IRAK4: variants seen among roughly 807,000 people sequenced by gnomAD.
IRAK4 encodes the protein interleukin 1 receptor associated kinase 4, also known as interleukin-1 receptor-associated kinase 4.
IRAK4 carries 44 observed loss-of-function variants against 51.8 expected under a neutral mutation model. The observed-to-expected ratio is 0.85, with a 90% CI of 0.67 to 1.09. The LOEUF is 1.09. IRAK4 is among the 50% of genes least tolerant of loss of function. IRAK4 has a pLI of 0.00. For missense variants in IRAK4, 487 were observed against 538.0 expected, an observed-to-expected ratio of 0.91 and a Z score of 0.94; for synonymous variants, 149 against 174.1, an observed-to-expected ratio of 0.86 and a Z score of 1.13.
chr12:43,767,500 G>T (rs1940282247), intron 1 of IRAK4, among the ~76,000 whole-genome samples: 1 of 152,154 alleles, frequency 6.6e-6, no homozygotes, highest in Admixed American at 6.6e-5. Context: ...ACAGGTTTTG[G>T]CGTAGTAGCA....
intron 1 of IRAK4, among the ~76,000 whole-genome samples, chr12:43,762,685 A>G (rs1448918242): frequency 6.6e-6 from 1 of 152,216 alleles, no homozygotes; most frequent in Non-Finnish European, 1.5e-5. Context: ...TTATAACAGA[A>G]GAATGACTAG....
In IRAK4 at chr12:43,761,100, C is replaced by T. The variant is rs571957752; in HGVS notation, c.-10+2084C>T. 2.0e-5 allele frequency: 3 copies of T among 152,180 alleles called. 1 individual carries two copies. The South Asian group carries it at 6.2e-4, about 32-fold the overall frequency. 9.4% of individuals were successfully genotyped at this position (152,180 alleles called of 1,614,324 possible). On this transcript the variant is annotated intron_variant, in intron 1 of 11. Coordinates refer to ENST00000613694, the MANE Select transcript of IRAK4 (RefSeq NM_016123.4). ...AATTTATGGTACACCAGCACATATCCCAGTTTGTAATAGGCAGCCCTATCT... is the reference window on the plus strand; with the variant it reads ...AATTTATGGTACACCAGCACATATCTCAGTTTGTAATAGGCAGCCCTATCT...
Position 43,777,734 on chromosome 12 carries a change from TCTCTTGCTTGGTA to T in IRAK4, c.822_831+3del, listed in dbSNP as rs1941415913. On this transcript the variant is annotated splice_donor_variant and splice_donor_region_variant and coding_sequence_variant and intron_variant, in exon 7 of 12. Transcript: ENST00000613694. LOFTEE classifies it high-confidence loss of function. Reference sequence around the variant, plus strand: ...CCTAATGGTTCATTGCTAGACAGACTCTCTTGCTTGGTAAGCTATTTGTTCATCAGATTGTTTG... The same window carrying T: ...CCTAATGGTTCATTGCTAGACAGACTAGCTATTTGTTCATCAGATTGTTTG... 1 of 1,610,142 alleles carries T rather than the reference TCTCTTGCTTGGTA, an allele frequency of 6.2e-7. No individual in the cohort carries two copies.
chr12:43,768,315 A>C (rs779836115), intron 2 of IRAK4, 43 bp downstream of exon 2: 1 of 1,425,174 alleles, frequency 7.0e-7, no homozygotes, highest in Non-Finnish European at 9.8e-7. Context: ...CTTACATCAC[A>C]ATATGGAATG....
chr12:43,772,889 A>ATGTG (rs1424103655), intron 4 of IRAK4, 23 bp from the exon 5 acceptor site: 1 of 1,552,372 alleles, frequency 6.4e-7, no homozygotes, highest in Non-Finnish European at 8.8e-7. Context: ...AAATTTAAGC[A>ATGTG]TGTTTTTCTT....
intron 1 of IRAK4, among the ~76,000 whole-genome samples, chr12:43,763,727 C>A (rs1219994814): frequency 1.3e-5 from 2 of 149,706 alleles, no homozygotes; most frequent in African/African-American, 2.5e-5. Context: ...CCCTCATACT[C>A]CTCTCTCTCT....
Position 43,772,165 on chromosome 12 carries a change from T to G in IRAK4, c.308-15T>G. 6.2e-7 allele frequency: 1 copy of G among 1,605,686 alleles called. No individual in the cohort carries two copies. Among genetic ancestry groups the G allele is most frequent in the Non-Finnish European group, 8.5e-7 (1 of 1,173,710 alleles). On this transcript the variant is annotated splice_polypyrimidine_tract_variant and intron_variant, in intron 3 of 11. Transcript: ENST00000613694. ...TCTTACTGAAAAACCACTTGTATCT[T>G]ACTTCATTTGTTAGATGCTGTTCCC...
At chr12:43,772,754 T>G (rs1940899116) in intron 4 of IRAK4, among the ~76,000 whole-genome samples, 158 bp from the exon 5 acceptor site, 1 of 152,164 alleles carries the variant, frequency 6.6e-6, no homozygotes, top group Admixed American at 6.5e-5. Flanking sequence ...CAAGAAAAAC[T>G]TATAATTTGT....
At chr12:43,778,570 A>G (rs1184142654) in intron 8 of IRAK4, among the ~76,000 whole-genome samples, 1 of 152,080 alleles carries the variant, frequency 6.6e-6, no homozygotes, top group East Asian at 1.9e-4. Context: ...CCTTATGGAA[A>G]TTAGTTGTTT....
chr12:43,774,055 GT>G, intron 6 of IRAK4, 26 bp downstream of exon 6: 1 of 1,556,144 alleles, frequency 6.4e-7, no homozygotes, highest in Non-Finnish European at 8.8e-7. Context: ...GCAGTGCGGT[GT>G]AGTGGAAAGA....
At chr12:43,778,407 C>A in intron 8 of IRAK4, 105 bp downstream of exon 8, 1 of 710,706 alleles carries the variant, frequency 1.4e-6, no homozygotes, top group South Asian at 1.5e-5. Flanking sequence ...AGCATCTGGA[C>A]TTTTTTCCCA....
chr12:43,766,286 T>C (rs1466761147), intron 1 of IRAK4, among the ~76,000 whole-genome samples: 4 of 152,182 alleles, frequency 2.6e-5, no homozygotes, highest in Non-Finnish European at 4.4e-5. Context: ...TGCTCTTACC[T>C]TTTCCCATGC....
intron 10 of IRAK4, among the ~76,000 whole-genome samples, chr12:43,785,838 T>C (rs1942168361): frequency 6.6e-6 from 1 of 151,884 alleles, no homozygotes; most frequent in Admixed American, 6.6e-5. Flanking sequence ...AGCATAATAC[T>C]CTCCTGAATA....
chr12:43,766,483 C>G (rs1940161808), intron 1 of IRAK4, among the ~76,000 whole-genome samples: 1 of 152,102 alleles, frequency 6.6e-6, no homozygotes, highest in African/African-American at 2.4e-5. Flanking sequence ...TTTGTATCCC[C>G]TGGTATACTG....
chr12:43,772,054 C>CT, intron 3 of IRAK4, 126 bp from the exon 4 acceptor site: 2 of 711,992 alleles, frequency 2.8e-6, no homozygotes, highest in Non-Finnish European at 4.9e-6. Flanking sequence ...CTTGTGTGTG[C>CT]TGTGAGAATA....
At chr12:43,777,800 A>C (rs1941423844) in intron 7 of IRAK4, 56 bp downstream of exon 7, 5 of 1,351,600 alleles carry the variant, frequency 3.7e-6, no homozygotes, top group Admixed American at 1.7e-5. Flanking sequence ...TGGAATATTA[A>C]TATTCATTTT....
Position 43,789,177 on chromosome 12 carries a change from G to A in IRAK4, c.*2462G>A, listed in dbSNP as rs1217143722. 1 of 152,198 alleles carries A rather than the reference G, an allele frequency of 6.6e-6. No homozygotes were observed. Among genetic ancestry groups the A allele is most frequent in the Non-Finnish European group, 1.5e-5 (1 of 68,060 alleles). The allele number at this position is 152,198 out of a possible 1,614,324, so 9.4% of individuals were successfully genotyped here. A position where few individuals can be genotyped will look rare whatever the true frequency, so the allele number is the denominator to read the frequency against. Reference sequence around the variant, plus strand: ...TGTTTAAATGTAATCCCCAGTGTTGGGGGTGGAGGTGGGGCCTGATGGGAA... The same window carrying A: ...TGTTTAAATGTAATCCCCAGTGTTGAGGGTGGAGGTGGGGCCTGATGGGAA... On this transcript the variant is annotated 3_prime_UTR_variant, in exon 12 of 12. Transcript: ENST00000613694.
rs200816518 is a variant in IRAK4, at chr12:43,772,154, C to A, written c.308-26C>A. On this transcript the variant is annotated intron_variant, in intron 3 of 11. Coordinates refer to ENST00000613694, the MANE Select transcript of IRAK4 (RefSeq NM_016123.4). ...CAACCACTTTTTCTTACTGAAAAACCACTTGTATCTTACTTCATTTGTTAG... is the reference window on the plus strand; with the variant it reads ...CAACCACTTTTTCTTACTGAAAAACAACTTGTATCTTACTTCATTTGTTAG... The A allele has an allele frequency of 1.3e-5, 20 of 1,589,766 alleles. No homozygotes were observed. In the African/African-American group the frequency reaches 2.7e-4, roughly 21 times the overall value.
intron 5 of IRAK4, 46 bp downstream of exon 5, chr12:43,773,118 G>A: frequency 6.5e-7 from 1 of 1,539,270 alleles, no homozygotes; most frequent in South Asian, 1.1e-5. Flanking sequence ...GCTTCATAGT[G>A]TGCCCTATAA....
Sources: gnomAD v4.1 joint callset for allele counts (sites outside exome capture counted in the v4.1 genomes callset) on GRCh38, gnomAD v4.1.1 for gene constraint, MANE v1.5 for transcripts, NCBI Gene and HGNC (gene_info 2026-07-23, HGNC 2026-07-21) for gene names.